Variants in SOX5 observed in about 807,000 individuals in gnomAD.
SOX5 encodes the protein transcription factor SOX-5.
A neutral mutation model predicts 92.0 loss-of-function variants in SOX5; 9 were observed. That is an observed-to-expected ratio of 0.10 (90% confidence interval 0.06 to 0.17). The LOEUF (loss-of-function observed/expected upper bound fraction) is 0.17, where lower values mean the gene tolerates loss of function less well. Ranked by LOEUF, SOX5 falls within the 10% of genes least tolerant of loss-of-function variation. SOX5 has a pLI of 1.00. For missense variants in SOX5, 642 were observed against 944.5 expected (o/e 0.68, Z 4.20); for synonymous variants, 344 against 336.3 (o/e 1.02, Z -0.25).
intron 7 of SOX5, 148 bp downstream of exon 7, chr12:23,665,296 C>G (rs2083614430): frequency 1.2e-6 from 1 of 847,272 alleles, no homozygotes; most frequent in Non-Finnish European, 1.9e-6. Flanking sequence ...AGTACTAACA[C>G]ACTTCTCCAC....
chr12:24,454,947 A>G (rs1323004695), intron 1 of SOX5, among the ~76,000 whole-genome samples: 3 of 152,078 alleles, frequency 2.0e-5, no homozygotes, highest in Non-Finnish European at 4.4e-5. Context: ...AGAAAAAAAG[A>G]TGATTATATG....
chr12:23,680,343 A>AG (rs1566936149), intron 6 of SOX5, among the ~76,000 whole-genome samples: 1 of 150,388 alleles, frequency 6.6e-6, no homozygotes, highest in Non-Finnish European at 1.5e-5. Flanking sequence ...AAAAAAAAAA[A>AG]AAAAGAAAAA....
intron 4 of SOX5, among the ~76,000 whole-genome samples, chr12:24,163,031 C>T (rs182982227): frequency 4.6e-5 from 7 of 152,204 alleles, no homozygotes; most frequent in South Asian, 4.1e-4. Flanking sequence ...CTCTTCCTAA[C>T]GAGGCCCTAA....
At chr12:24,264,614 C>T (rs551586865) in intron 3 of SOX5, among the ~76,000 whole-genome samples, 1 of 152,184 alleles carries the variant, frequency 6.6e-6, no homozygotes, top group South Asian at 2.1e-4. Context: ...TGCATCCTTT[C>T]GTTAGAATAA....
intron 12 of SOX5, among the ~76,000 whole-genome samples, 166 bp from the exon 13 acceptor site, chr12:23,543,550 A>G (rs1383179327): frequency 6.6e-6 from 1 of 152,224 alleles, no homozygotes; most frequent in Non-Finnish European, 1.5e-5. Context: ...TTTTTCTGAT[A>G]AGCCTTGTGG....
chr12:24,306,253 C>T (rs538358791), intron 2 of SOX5, among the ~76,000 whole-genome samples: 22 of 152,256 alleles, frequency 1.4e-4, no homozygotes, highest in Middle Eastern at 3.4e-3. Flanking sequence ...ATGCCTGCAC[C>T]GCCAGCTCTG....
chr12:24,169,741 G>A lies in SOX5; in HGVS notation c.-2+43602C>T, dbSNP rs762383484. On this transcript the variant is annotated intron_variant, in intron 4 of 4. Coordinates refer to the SOX5 transcript ENST00000446891. ...CCACGTGCGATGCTGCATAATGGTAGCCTTGAGCAAATTATTCCCCTCAAA... is the reference window on the plus strand; with the variant it reads ...CCACGTGCGATGCTGCATAATGGTAACCTTGAGCAAATTATTCCCCTCAAA... Among the ~76,000 whole-genome samples, 7 of 152,188 alleles carry A rather than the reference G, an allele frequency of 4.6e-5. 1 individual carries two copies. The highest frequency in any genetic ancestry group is 3.3e-4 in the Admixed American group (5 of 15,284).
chr12:24,115,101 A>G (rs537361277), intron 4 of SOX5, among the ~76,000 whole-genome samples: 1 of 152,214 alleles, frequency 6.6e-6, no homozygotes, highest in Non-Finnish European at 1.5e-5. Context: ...AAGAATCAAT[A>G]TAAAATGTTT....
intron 2 of SOX5, among the ~76,000 whole-genome samples, chr12:23,849,875 G>A (rs897686358): frequency 6.6e-6 from 1 of 152,036 alleles, no homozygotes; most frequent in Non-Finnish European, 1.5e-5. Flanking sequence ...AGTAGTCTAT[G>A]TTTTTATAAC....
intron 4 of SOX5, among the ~76,000 whole-genome samples, chr12:24,084,432 A>G (rs1290263786): frequency 2.0e-5 from 3 of 152,070 alleles, no homozygotes; most frequent in African/African-American, 7.2e-5. Context: ...TATCTTGAGT[A>G]TCTCTCCAAA....
At chr12:23,799,909 T>C (rs1191638788) in intron 3 of SOX5, among the ~76,000 whole-genome samples, 1 of 152,040 alleles carries the variant, frequency 6.6e-6, no homozygotes, top group Non-Finnish European at 1.5e-5. Flanking sequence ...TCACAACAGG[T>C]AATAACCTAG....
chr12:24,216,087 T>C (rs1239043444), intron 3 of SOX5, among the ~76,000 whole-genome samples: 1 of 152,226 alleles, frequency 6.6e-6, no homozygotes, highest in East Asian at 1.9e-4. Context: ...TTTCAGAAAT[T>C]CTTGAAATTC....
At chr12:24,342,271 T>C (rs1024100844) in intron 2 of SOX5, among the ~76,000 whole-genome samples, 4 of 152,168 alleles carry the variant, frequency 2.6e-5, no homozygotes, top group African/African-American at 7.2e-5. Flanking sequence ...TTTCTCACCA[T>C]TGCATTCACT....
At chr12:24,184,829 AT>A (rs1159149040) in intron 4 of SOX5, among the ~76,000 whole-genome samples, 6 of 152,148 alleles carry the variant, frequency 3.9e-5, no homozygotes, top group Non-Finnish European at 8.8e-5. Flanking sequence ...AGGAAATCAG[AT>A]TTTTGGCTCA....
At chr12:24,258,836 T>A (rs1037449312) in intron 3 of SOX5, among the ~76,000 whole-genome samples, 15 of 152,218 alleles carry the variant, frequency 9.9e-5, no homozygotes, top group African/African-American at 2.9e-4. Flanking sequence ...CAAATCTCTG[T>A]GAAATAGGTA....
intron 1 of SOX5, among the ~76,000 whole-genome samples, chr12:23,930,972 T>G (rs1941276569): frequency 6.6e-6 from 1 of 151,876 alleles, no homozygotes; most frequent in Middle Eastern, 3.4e-3. Flanking sequence ...CATTCATATT[T>G]TCCTTCATTG....
At chr12:24,401,355 G>A (rs7978330) in intron 1 of SOX5, among the ~76,000 whole-genome samples, 27,442 of 70,456 alleles carry the variant, frequency 0.39, 3,299 homozygotes, top group African/African-American at 0.51. Flanking sequence ...CCATCTCAGG[G>A]GAAAAAAAAA....
chr12:23,933,043 T>C (rs916741204), intron 1 of SOX5, among the ~76,000 whole-genome samples: 2 of 151,730 alleles, frequency 1.3e-5, no homozygotes, highest in African/African-American at 4.8e-5. Context: ...ATGTGTACTT[T>C]TGTCCTGCCA....
At chr12:23,975,968 T>G (rs1044643690) in intron 4 of SOX5, among the ~76,000 whole-genome samples, 1 of 152,110 alleles carries the variant, frequency 6.6e-6, no homozygotes, top group African/African-American at 2.4e-5. Flanking sequence ...ACTTCACATA[T>G]AGTCAATATA....
Sources: gnomAD v4.1 joint callset for allele counts (sites outside exome capture counted in the v4.1 genomes callset) on GRCh38, gnomAD v4.1.1 for gene constraint, MANE v1.5 for transcripts, NCBI Gene and HGNC (gene_info 2026-07-23, HGNC 2026-07-21) for gene names.